Variants in PTPRM observed in about 807,000 individuals in gnomAD.
PTPRM encodes receptor-type tyrosine-protein phosphatase mu.
In PTPRM, 47 loss-of-function variants were observed where a neutral mutation model predicts 186.7. That is an observed-to-expected ratio of 0.25 (90% confidence interval 0.20 to 0.32). The LOEUF (loss-of-function observed/expected upper bound fraction) is 0.32, where lower values mean the gene tolerates loss of function less well. Ranked by LOEUF, PTPRM falls within the 10% of genes least tolerant of loss-of-function variation. The probability of loss-of-function intolerance (pLI) is 1.00; values close to 1 mark genes in which losing one functional copy is unlikely to be tolerated. For missense variants in PTPRM, 1,494 were observed against 1,865.0 expected, an observed-to-expected ratio of 0.80 and a Z score of 3.66; for synonymous variants, 668 against 674.9, an observed-to-expected ratio of 0.99 and a Z score of 0.16.
chr18:8,197,570 G>A lies in PTPRM; in HGVS notation c.2301-46488G>A, dbSNP rs574622193. Among the ~76,000 whole-genome samples, 12 of 152,254 alleles carry A rather than the reference G, an allele frequency of 7.9e-5. No individual in the cohort carries two copies. In the South Asian group the frequency reaches 1.7e-3, roughly 21 times the overall value. On this transcript the variant is annotated intron_variant, in intron 14 of 32. Coordinates refer to ENST00000580170, the MANE Select transcript of PTPRM (RefSeq NM_001105244.2). ...TAGGCTTTTCTGTTTATTGGGAGTC[G>A]GTATTGGACATTCATAAATTTATAA... is the stretch of plus-strand genomic sequence containing the variant.
At chr18:7,824,724 T>C (rs2045392748) in intron 2 of PTPRM, among the ~76,000 whole-genome samples, 1 of 152,228 alleles carries the variant, frequency 6.6e-6, no homozygotes, top group Non-Finnish European at 1.5e-5. Context: ...CAAACTGTGG[T>C]TAAAACATGG....
At chr18:8,352,811 C>T (rs1200434094) in intron 23 of PTPRM, among the ~76,000 whole-genome samples, 1 of 151,976 alleles carries the variant, frequency 6.6e-6, no homozygotes, top group Non-Finnish European at 1.5e-5. Flanking sequence ...GCTGGGATTA[C>T]AGGCACCCAC....
At chr18:7,643,897 C>T (rs2038501793) in intron 1 of PTPRM, among the ~76,000 whole-genome samples, 1 of 151,890 alleles carries the variant, frequency 6.6e-6, no homozygotes, top group African/African-American at 2.4e-5. Flanking sequence ...TCAAAACATT[C>T]TATTATGAAA....
intron 1 of PTPRM, among the ~76,000 whole-genome samples, chr18:7,731,290 T>A (rs758986632): frequency 1.3e-5 from 2 of 152,130 alleles, no homozygotes; most frequent in Non-Finnish European, 2.9e-5. Context: ...CTGGTAATAA[T>A]CAATATCAGT....
rs779134542 is a variant in PTPRM, at chr18:7,668,544, C to A, written c.73+100653C>A. Among the ~76,000 whole-genome samples, 3 of 152,182 alleles carry A rather than the reference C, an allele frequency of 2.0e-5. No individual in the cohort carries two copies. The highest frequency in any genetic ancestry group is 4.4e-5 in the Non-Finnish European group (3 of 68,034). On this transcript the variant is annotated intron_variant, in intron 1 of 32. Transcript: ENST00000580170. The surrounding 1 kb of genome is among the most constrained non-coding windows in gnomAD (Gnocchi z 4.7). ...CAAGGCAGAGTGAATCATTCCTCTG[C>A]CATTCCAGAGGCTGCAGTCCTCACA...
intron 7 of PTPRM, among the ~76,000 whole-genome samples, chr18:8,046,510 T>C (rs1234130682): frequency 1.3e-5 from 2 of 152,264 alleles, no homozygotes; most frequent in Non-Finnish European, 2.9e-5. Flanking sequence ...CACTGTTGCG[T>C]TGATGTTTTT....
At chr18:7,738,469 T>C (rs371331467) in intron 1 of PTPRM, among the ~76,000 whole-genome samples, 1 of 152,100 alleles carries the variant, frequency 6.6e-6, no homozygotes, top group South Asian at 2.1e-4. Flanking sequence ...GGAGTCTCGC[T>C]CTGTTGCCCA....
chr18:7,621,097 G>A (rs1286291608), intron 1 of PTPRM, among the ~76,000 whole-genome samples: 1 of 152,258 alleles, frequency 6.6e-6, no homozygotes, highest in East Asian at 1.9e-4. Flanking sequence ...ATTGTATGCT[G>A]CAATATTCTA....
At chr18:8,312,941 C>T (rs768705875) in intron 20 of PTPRM, among the ~76,000 whole-genome samples, 4 of 152,284 alleles carry the variant, frequency 2.6e-5, no homozygotes, top group Non-Finnish European at 5.9e-5. Context: ...AAATTGACAC[C>T]GATTTCCTTC....
intron 2 of PTPRM, among the ~76,000 whole-genome samples, chr18:7,810,952 C>A (rs2044479039): frequency 1.3e-5 from 2 of 152,122 alleles, no homozygotes; most frequent in African/African-American, 4.8e-5. Flanking sequence ...ATCAGCACAT[C>A]CACAGTTTGG....
chr18:8,172,564 A>C (rs61656974), intron 14 of PTPRM, among the ~76,000 whole-genome samples: 1 of 152,168 alleles, frequency 6.6e-6, no homozygotes, highest in Admixed American at 6.5e-5. Flanking sequence ...AATCTATACA[A>C]GTTCCCCCAG....
intron 1 of PTPRM, among the ~76,000 whole-genome samples, chr18:7,705,321 A>ATCTATCTATCTG (rs2040059508): frequency 7.0e-6 from 1 of 143,076 alleles, no homozygotes; most frequent in Non-Finnish European, 1.6e-5. Flanking sequence ...CTATCTATCT[A>ATCTATCTATCTG]TCTATCTGTC....
rs903338808 is a variant in PTPRM at position 8,311,246 on chromosome 18, T to C, written c.2843-3535T>C. ...ATCACTTGAACCCAGGAGGCAGAGG[T>C]TGCAATGAGCCGAGATCGCGCCATT... is the stretch of plus-strand genomic sequence containing the variant. On this transcript the variant is annotated intron_variant, in intron 20 of 32. Coordinates refer to ENST00000580170, the MANE Select transcript of PTPRM (RefSeq NM_001105244.2). 3.2e-4 allele frequency among the ~76,000 whole-genome samples: 49 copies of C among 152,020 alleles called. 1 individual carries two copies. Among genetic ancestry groups the C allele is most frequent in the Admixed American group, 2.9e-3 (44 of 15,276 alleles).
chr18:7,745,916 G>A (rs1461401609), intron 1 of PTPRM, among the ~76,000 whole-genome samples: 2 of 152,110 alleles, frequency 1.3e-5, no homozygotes, highest in Non-Finnish European at 2.9e-5. Flanking sequence ...CATATGAAAA[G>A]TAGTGAAAAT....
intron 1 of PTPRM, among the ~76,000 whole-genome samples, chr18:7,772,357 TTC>T (rs1491014874): frequency 6.4e-5 from 2 of 31,064 alleles, no homozygotes; most frequent in African/African-American, 1.6e-4. Context: ...TTCTCTTTCT[TTC>T]TTTCTTTCTT....
At chr18:7,779,217 T>A (rs2042737552) in intron 2 of PTPRM, among the ~76,000 whole-genome samples, 2 of 152,224 alleles carry the variant, frequency 1.3e-5, no homozygotes, top group Admixed American at 1.3e-4. Context: ...AGAAAGGCTG[T>A]AATTAAGTGA....
chr18:7,717,474 CCA>C (rs1482231892), intron 1 of PTPRM, among the ~76,000 whole-genome samples: 1 of 152,172 alleles, frequency 6.6e-6, no homozygotes, highest in Non-Finnish European at 1.5e-5. Flanking sequence ...GTAAAATCGC[CCA>C]CAGTTACCAT....
At chr18:8,087,165 T>A (rs2090476088) in intron 10 of PTPRM, among the ~76,000 whole-genome samples, 1 of 152,142 alleles carries the variant, frequency 6.6e-6, no homozygotes, top group Non-Finnish European at 1.5e-5. Flanking sequence ...GAATTTATCA[T>A]GGGGATTTAA....
chr18:7,664,699 T>A (rs2039058333), intron 1 of PTPRM, among the ~76,000 whole-genome samples: 1 of 152,142 alleles, frequency 6.6e-6, no homozygotes, highest in African/African-American at 2.4e-5. Flanking sequence ...AGGGTCTAGC[T>A]ATGGGAACCA....
Sources: allele counts gnomAD v4.1 joint callset (sites outside exome capture counted in the v4.1 genomes callset), GRCh38; gene constraint gnomAD v4.1.1; non-coding constraint Gnocchi (gnomAD v3.1); transcripts MANE v1.5; gene names NCBI Gene and HGNC (gene_info 2026-07-23, HGNC 2026-07-21).